Variants in RECK observed in about 807,000 individuals in gnomAD.
The protein encoded by RECK is reversion inducing cysteine rich protein with kazal motifs.
A neutral mutation model predicts 115.1 loss-of-function variants in RECK; 69 were observed. The observed-to-expected ratio is 0.60, with a 90% CI of 0.49 to 0.73. The LOEUF (loss-of-function observed/expected upper bound fraction) is 0.73. Among genes scored for constraint, RECK ranks in the 30% least tolerant of loss-of-function variants. The probability of loss-of-function intolerance (pLI) is 0.00; values close to 1 mark genes in which losing one functional copy is unlikely to be tolerated. For missense variants in RECK, 1,047 were observed against 1,203.7 expected (o/e 0.87, Z 1.93); for synonymous variants, 414 against 419.7 (o/e 0.99, Z 0.17).
At chr9:36,075,058 C>T (rs1043728074) in intron 6 of RECK, among the ~76,000 whole-genome samples, 1 of 152,162 alleles carries the variant, frequency 6.6e-6, no homozygotes, top group African/African-American at 2.4e-5. Flanking sequence ...CTAGCTCAGG[C>T]ATGTTCACGT....
At chr9:36,061,393 T>TACACACACACACACACACACACACACAC (rs58265948) in intron 4 of RECK, among the ~76,000 whole-genome samples, 3 of 129,030 alleles carry the variant, frequency 2.3e-5, no homozygotes, top group South Asian at 2.9e-4. Context: ...TGTAATTTTC[T>TACACACACACACACACACACACACACAC]ACACACACAC....
chr9:36,115,693 T>C (rs560991839), intron 16 of RECK, among the ~76,000 whole-genome samples: 1 of 152,208 alleles, frequency 6.6e-6, no homozygotes, highest in Non-Finnish European at 1.5e-5. Context: ...AACCATTTCA[T>C]GCATAGTGAC....
intron 19 of RECK, 137 bp downstream of exon 19, chr9:36,120,873 A>G: frequency 3.1e-6 from 2 of 651,050 alleles, no homozygotes. Context: ...AGGGCCATAT[A>G]GCCCTTAATC....
intron 6 of RECK, among the ~76,000 whole-genome samples, chr9:36,071,075 C>G (rs754416081): frequency 4.8e-4 from 73 of 152,262 alleles, no homozygotes; most frequent in Non-Finnish European, 9.8e-4. Context: ...ACAGTCAGAA[C>G]AGATGCTGGC....
chr9:36,050,551 T>C (rs779360933), intron 1 of RECK, among the ~76,000 whole-genome samples: 6 of 152,216 alleles, frequency 3.9e-5, no homozygotes, highest in Non-Finnish European at 7.3e-5. Flanking sequence ...CTGTGTATTA[T>C]ATTTTTAACA....
Position 36,097,380 on chromosome 9 carries a change from T to C in RECK, c.1086-2951T>C, listed in dbSNP as rs370702349. 4.6e-5 allele frequency among the ~76,000 whole-genome samples: 7 copies of C among 151,704 alleles called. No homozygotes were observed. The East Asian group carries it at 1.3e-3, about 29-fold the overall frequency. ...GTGCAAGAAACTTTCAAAGACCCTT[T>C]ACCGAAGAAGGACATCACAATGGCC... On this transcript the variant is annotated intron_variant, in intron 10 of 20. Coordinates refer to ENST00000377966, the MANE Select transcript of RECK (RefSeq NM_021111.3).
rs115818400 is a variant in RECK, at chr9:36,091,847, A to G, written c.1085+504A>G. 6.0e-3 allele frequency among the ~76,000 whole-genome samples: 917 copies of G among 152,348 alleles called. 7 individuals carry two copies. The highest frequency in any genetic ancestry group is 0.021 in the African/African-American group (882 of 41,574). ...CAAGAACTGAGCCTTGGAGCATATC[A>G]ACAGTTAATGGTTGAAGAAACCAAA... On this transcript the variant is annotated intron_variant, in intron 10 of 20. Coordinates refer to ENST00000377966, the MANE Select transcript of RECK (RefSeq NM_021111.3).
Position 36,080,597 on chromosome 9 carries a change from A to G in RECK, c.406-8A>G, listed in dbSNP as rs1822646292. On this transcript the variant is annotated splice_region_variant and splice_polypyrimidine_tract_variant and intron_variant, in intron 6 of 20. Transcript: ENST00000377966. ...ATTTCTGTTTATTTGTTTTTCTTCA[A>G]TTTACAGAATGCTCTTTTCAGTTGC... The G allele has an allele frequency of 6.2e-7, 1 of 1,603,814 alleles. No homozygotes were observed. The highest frequency in any genetic ancestry group is 2.2e-5 in the East Asian group (1 of 44,758).
At position 36,037,543 on chromosome 9, in the gene RECK, G is replaced by A. The variant is rs892312894; in HGVS notation, c.100+445G>A. Among the ~76,000 whole-genome samples the A allele has an allele frequency of 5.3e-5, 8 of 152,008 alleles. No individual in the cohort carries two copies. In the South Asian group the frequency reaches 1.7e-3, roughly 32 times the overall value. On this transcript the variant is annotated intron_variant, in intron 1 of 20. Transcript: ENST00000377966. ...TTCATAACGACCTTGGTGGCGGTGA[G>A]CACTGACGGTCCCCACAGCCCGCGT...
intron 4 of RECK, among the ~76,000 whole-genome samples, chr9:36,062,860 C>T (rs140100593): frequency 9.2e-5 from 14 of 152,140 alleles, no homozygotes; most frequent in African/African-American, 1.9e-4. Context: ...GAAGCCCGGG[C>T]GTGGTCGCTT....
intron 6 of RECK, among the ~76,000 whole-genome samples, chr9:36,079,227 T>C (rs1481639864): frequency 6.6e-6 from 1 of 152,164 alleles, no homozygotes; most frequent in Non-Finnish European, 1.5e-5. Flanking sequence ...TTGATTTAGA[T>C]CATTTTAAAA....
Position 36,121,660 on chromosome 9 carries a change from C to A in RECK, c.2666C>A (p.Pro889His). ...IESEIVILII[P>H]VDHYPKALQI... ...TCAGAAATTGTGATCCTGATCATTC[C>A]CGTCGATCACTATCCAAAAGCTCTG... The change falls in exon 20 of 21, where the codon CCC becomes CAC. Residue 889 changes from proline (P) to histidine (H), a missense_variant. Transcript: ENST00000377966. 3.1e-6 allele frequency: 5 copies of A among 1,614,098 alleles called. No homozygotes were observed. In the African/African-American group the frequency reaches 6.7e-5, roughly 22 times the overall value.
Position 36,083,356 on chromosome 9 carries a change from T to C in RECK, c.440-9T>C. 1 of 1,610,274 alleles carries C rather than the reference T, an allele frequency of 6.2e-7. No individual in the cohort carries two copies. Among genetic ancestry groups the C allele is most frequent in the Non-Finnish European group, 8.5e-7 (1 of 1,177,514 alleles). ...TCCATGTCAGTGCCTTCTCTTTTTT[T>C]CTCCATAGTGGGCTCGGTTTGTTGC... On this transcript the variant is annotated splice_polypyrimidine_tract_variant and intron_variant, in intron 7 of 20. Transcript: ENST00000377966.
chr9:36,104,315 TA>T (rs1564130862), intron 12 of RECK, among the ~76,000 whole-genome samples: 3 of 67,054 alleles, frequency 4.5e-5, no homozygotes, highest in African/African-American at 2.4e-4. Context: ...TATATATATA[TA>T]TATATATATA....
chr9:36,115,157 A>C (rs1824210159), intron 16 of RECK, among the ~76,000 whole-genome samples: 1 of 151,984 alleles, frequency 6.6e-6, no homozygotes, highest in Non-Finnish European at 1.5e-5. Context: ...TCTACTAAAA[A>C]TATAAAAATT....
chr9:36,097,153 G>A (rs189720121), intron 10 of RECK, among the ~76,000 whole-genome samples: 46 of 152,088 alleles, frequency 3.0e-4, no homozygotes, highest in Non-Finnish European at 5.1e-4. Context: ...GTGAAACCCC[G>A]TCTCTACTAA....
At chr9:36,112,276 A>G in intron 15 of RECK, 29 bp from the exon 16 acceptor site, 1 of 1,609,686 alleles carries the variant, frequency 6.2e-7, no homozygotes, top group Non-Finnish European at 8.5e-7. Flanking sequence ...ATACACATAC[A>G]TATTTTTGAG....
rs73646002 is a variant in RECK, at chr9:36,051,518, C to T, written c.101-747C>T. On this transcript the variant is annotated intron_variant, in intron 1 of 20. Coordinates refer to ENST00000377966, the MANE Select transcript of RECK (RefSeq NM_021111.3). Reference sequence around the variant, plus strand: ...CTCACCAAGTGGCTAATTAGTAAACCCATTTCCTTTTTTCATTCTTCAGTC... The same window carrying T: ...CTCACCAAGTGGCTAATTAGTAAACTCATTTCCTTTTTTCATTCTTCAGTC... Among the ~76,000 whole-genome samples the T allele has an allele frequency of 8.7e-3, 1,322 of 152,184 alleles. 18 individuals carry two copies. Among genetic ancestry groups the T allele is most frequent in the African/African-American group, 0.031 (1,269 of 41,510 alleles).
At chr9:36,087,985 C>T in intron 9 of RECK, 24 bp downstream of exon 9, 1 of 1,567,014 alleles carries the variant, frequency 6.4e-7, no homozygotes. Flanking sequence ...TTTCCTTTAC[C>T]AAAATCAGTA....
Sources: gnomAD v4.1 joint callset for allele counts (sites outside exome capture counted in the v4.1 genomes callset) on GRCh38, gnomAD v4.1.1 for gene constraint, MANE v1.5 for transcripts, NCBI Gene and HGNC (gene_info 2026-07-23, HGNC 2026-07-21) for gene names.